The following TOP2A variants were observed in gnomAD, a reference collection of about 807,000 sequenced individuals.
TOP2A encodes DNA topoisomerase II alpha.
TOP2A carries 68 observed loss-of-function variants against 187.2 expected under a neutral mutation model. That is an observed-to-expected ratio of 0.36 (90% CI 0.30 to 0.44). The LOEUF (loss-of-function observed/expected upper bound fraction) is 0.44. Ranked by LOEUF, TOP2A falls within the 20% of genes least tolerant of loss-of-function variation. The pLI is 1.00. For synonymous variants in TOP2A, 542 were observed against 593.2 expected, an observed-to-expected ratio of 0.91 and a Z score of 1.25; for missense variants, 1,196 against 1,808.7, an observed-to-expected ratio of 0.66 and a Z score of 6.14.
chr17:40,399,265 G>A (rs972175177), intron 24 of TOP2A, 134 bp from the exon 25 acceptor site: 1 of 666,836 alleles, frequency 1.5e-6, no homozygotes, highest in Admixed American at 2.8e-5. Flanking sequence ...GTATATCCCG[G>A]TATACAGGCA....
At chr17:40,392,852 G>A (rs548891203) in intron 29 of TOP2A, 115 bp from the exon 30 acceptor site, 9 of 861,906 alleles carry the variant, frequency 1.0e-5, no homozygotes, top group Admixed American at 2.5e-5. Flanking sequence ...GAATACAATC[G>A]TGAAAAGAGA....
At chr17:40,390,460 G>C (rs2035009221) in intron 33 of TOP2A, among the ~76,000 whole-genome samples, 1 of 152,050 alleles carries the variant, frequency 6.6e-6, no homozygotes, top group South Asian at 2.1e-4. Context: ...AAAGTGCTGG[G>C]ATTACAGGCA....
At chr17:40,392,812 CA>C (rs2035042354) in intron 29 of TOP2A, 75 bp from the exon 30 acceptor site, 1 of 1,183,020 alleles carries the variant, frequency 8.5e-7, no homozygotes, top group Non-Finnish European at 1.2e-6. Context: ...ATCCATCCTT[CA>C]AATTTATTAA....
chr17:40,407,725 C>G, intron 12 of TOP2A, 51 bp from the exon 13 acceptor site: 2 of 1,495,454 alleles, frequency 1.3e-6, no homozygotes, highest in South Asian at 2.6e-5. Context: ...TTGAAAAGAA[C>G]AAAGAAATTT....
intron 2 of TOP2A, 61 bp from the exon 3 acceptor site, chr17:40,416,573 G>T: frequency 6.8e-7 from 1 of 1,461,534 alleles, no homozygotes. Flanking sequence ...CTGTTATCAT[G>T]ATTACCATAA....
intron 12 of TOP2A, 68 bp from the exon 13 acceptor site, chr17:40,407,742 A>G: frequency 5.6e-6 from 8 of 1,430,588 alleles, no homozygotes; most frequent in Non-Finnish European, 7.5e-6. Context: ...ATTTAACAGT[A>G]TATGTTGCTT....
At chr17:40,389,944 C>T in intron 34 of TOP2A, 21 bp downstream of exon 34, 1 of 1,601,302 alleles carries the variant, frequency 6.2e-7, no homozygotes, top group South Asian at 1.1e-5. Flanking sequence ...AGCAAAAGGA[C>T]TGACTAGGAT....
Position 40,400,325 on chromosome 17 carries a change from T to C in TOP2A, c.2884A>G (p.Thr962Ala). The C allele has an allele frequency of 1.2e-6, 2 of 1,613,842 alleles. No individual in the cohort carries two copies. The highest frequency in any genetic ancestry group is 1.7e-6 in the Non-Finnish European group (2 of 1,179,858). Reference sequence around the variant, plus strand: ...ACAACAAATTTCACAGTGGTATCTGTATGGTATTCCCTATAGTCTGTTATG... The same window carrying C: ...ACAACAAATTTCACAGTGGTATCTGCATGGTATTCCCTATAGTCTGTTATG... ...PLITDYREYH[T>A]DTTVKFVVKM... The change falls in exon 23 of 35, where the codon ACA becomes GCA. Residue 962 changes from threonine to alanine, a missense_variant. By Grantham distance (58) the Thr-to-Ala change is moderately conservative (BLOSUM62 0). This residue lies in a region of TOP2A where 232 missense variants were observed against 306.1 expected (regional missense o/e 0.76). Transcript: ENST00000423485.
rs756935294 is a variant in TOP2A at position 40,404,386 on chromosome 17, T to G, written c.2152A>C (p.Met718Leu). ...ACAAATTGGAACTCACCATCCACCA[T>G]AGAAGGGATAGATCTCTCGTTATCA... is the stretch of plus-strand genomic sequence containing the variant. ...NSDNERSIPSMVDGLKPGQRK... is the reference protein window; with the variant it reads ...NSDNERSIPSLVDGLKPGQRK... The change falls in exon 18 of 35, where the codon ATG (methionine) becomes CTG (leucine). Residue 718 changes from methionine (M) to leucine (L), a missense_variant. Coordinates refer to ENST00000423485, the MANE Select transcript of TOP2A (RefSeq NM_001067.4). 6.2e-7 allele frequency: 1 copy of G among 1,607,880 alleles called. No individual in the cohort carries two copies. Among genetic ancestry groups the G allele is most frequent in the Non-Finnish European group, 8.5e-7 (1 of 1,175,214 alleles).
chr17:40,417,854 AC>A lies in TOP2A; in HGVS notation c.-64del. 1.3e-6 allele frequency: 2 copies of A among 1,599,700 alleles called. No individual in the cohort carries two copies. Among genetic ancestry groups the A allele is most frequent in the Non-Finnish European group, 1.7e-6 (2 of 1,172,724 alleles). On this transcript the variant is annotated 5_prime_UTR_variant, in exon 1 of 35. Coordinates refer to ENST00000423485, the MANE Select transcript of TOP2A (RefSeq NM_001067.4). ...GACTAAACAGGCAGGACCCCACGAG[AC>A]CACCCCCGACCAAGCCGCTTCTCCA...
At position 40,413,536 on chromosome 17, in the gene TOP2A, A is replaced by G; in HGVS notation, c.422T>C (p.Ile141Thr). ...KVEKMYVPAL[I>T]FGQLLTSSNY... ...ACTAGAAGTTAGGAGCTGTCCAAAT[A>G]TGAGAGCTGGGACATACATCTTTTC... The change falls in exon 5 of 35, where the codon ATA becomes ACA. Residue 141 changes from isoleucine to threonine, a missense_variant. By Grantham distance (89) the Ile-to-Thr change is moderately conservative. Transcript: ENST00000423485. The G allele has an allele frequency of 6.5e-7, 1 of 1,543,720 alleles. No homozygotes were observed. Among genetic ancestry groups the G allele is most frequent in the Non-Finnish European group, 8.8e-7 (1 of 1,142,394 alleles).
intron 4 of TOP2A, 56 bp downstream of exon 4, chr17:40,415,949 A>G: frequency 8.2e-7 from 1 of 1,212,820 alleles, no homozygotes; most frequent in Admixed American, 2.0e-5. Flanking sequence ...TAATCAAAAT[A>G]CATGCAGCTA....
Position 40,401,046 on chromosome 17 carries a change from T to G in TOP2A, c.2468A>C (p.Asp823Ala). The G allele has an allele frequency of 1.9e-6, 3 of 1,613,872 alleles. No homozygotes were observed. The highest frequency in any genetic ancestry group is 1.3e-5 in the African/African-American group (1 of 75,048). Residue 823 changes from aspartate (D) to alanine (A), a missense_variant, in exon 21 of 35, where the codon GAT becomes GCT. Around this residue, in one of 10 missense-constraint regions of TOP2A, gnomAD observed 209 missense variants for 376.9 expected, o/e 0.55. Transcript: ENST00000423485. ...ATCATATAAAAACTTCAACGTGTGA[T>G]CATCTTTTGGTGGAAATAACAATCG... is the stretch of plus-strand genomic sequence containing the variant. ...LARLLFPPKD[D>A]HTLKFLYDDN...
intron 24 of TOP2A, 127 bp from the exon 25 acceptor site, chr17:40,399,258 T>C: frequency 1.4e-6 from 1 of 690,276 alleles, no homozygotes; most frequent in Non-Finnish European, 2.4e-6. Context: ...TAAATTTGTA[T>C]ATCCCGGTAT....
In TOP2A at chr17:40,400,775, C is replaced by A. The variant is rs2035169399; in HGVS notation, c.2664+75G>T. On this transcript the variant is annotated intron_variant, in intron 21 of 34. Coordinates refer to ENST00000423485, the MANE Select transcript of TOP2A (RefSeq NM_001067.4). ...ATGAAATTAAATTTTATGTTTGCAT[C>A]ATCTTTAATCATACAATCTATTCAA... 3.3e-6 allele frequency: 5 copies of A among 1,534,682 alleles called. No homozygotes were observed. In the South Asian group the frequency reaches 3.6e-5, roughly 11 times the overall value.
At position 40,413,557 on chromosome 17, in the gene TOP2A, T is replaced by C; in HGVS notation, c.401A>G (p.Lys134Arg). The change falls in exon 5 of 35, where the codon AAG becomes AGG. Residue 134 changes from lysine to arginine, a missense_variant. Transcript: ENST00000423485. ...GIPVVEHKVE[K>R]MYVPALIFGQ... ...AAATATGAGAGCTGGGACATACATC[T>C]TTTCAACTTTGTGTTCAACAACAGG... 6.5e-7 allele frequency: 1 copy of C among 1,528,300 alleles called. No individual in the cohort carries two copies. Among genetic ancestry groups the C allele is most frequent in the Non-Finnish European group, 8.9e-7 (1 of 1,129,232 alleles). The allele number at this position is 1,528,300 out of a possible 1,614,324, so 94.7% of individuals were successfully genotyped here.
At chr17:40,395,967 T>A (rs1450215035) in intron 28 of TOP2A, among the ~76,000 whole-genome samples, 1 of 137,316 alleles carries the variant, frequency 7.3e-6, no homozygotes, top group Non-Finnish European at 1.5e-5. Context: ...ATGCATAATA[T>A]TTTTAAGAGT....
At chr17:40,406,801 T>G (rs778068635) in intron 14 of TOP2A, 31 bp downstream of exon 14, 3 of 1,587,876 alleles carry the variant, frequency 1.9e-6, no homozygotes, top group Non-Finnish European at 8.6e-7. Flanking sequence ...GGTCTTAAAA[T>G]ATCCATGATG....
chr17:40,395,365 T>C, intron 29 of TOP2A, 84 bp downstream of exon 29: 1 of 785,692 alleles, frequency 1.3e-6, no homozygotes, highest in Non-Finnish European at 2.0e-6. Context: ...ACAAAAAGGT[T>C]TTGAACATCT....
Sources: gnomAD v4.1 joint callset for allele counts (sites outside exome capture counted in the v4.1 genomes callset) on GRCh38, gnomAD v4.1.1 for gene constraint, gnomAD v4.1.1 regional missense constraint, MANE v1.5 for transcripts, NCBI Gene and HGNC (gene_info 2026-07-23, HGNC 2026-07-21) for gene names.